The following GCA variants were observed in gnomAD, a reference collection of about 807,000 sequenced individuals.
GCA encodes the protein grancalcin.
Under a neutral mutation model 32.6 loss-of-function variants are expected in GCA, and 30 were observed. The ratio of observed to expected loss-of-function variants is 0.92; its 90% CI spans 0.69 to 1.25. The LOEUF is 1.25. Ranked by LOEUF, GCA falls within the 50% of genes most tolerant of loss-of-function variation. GCA has a pLI of 0.00. For missense variants in GCA, 291 were observed against 266.8 expected (o/e 1.09, Z -0.63); for synonymous variants, 102 against 84.6 (o/e 1.21, Z -1.13).
At chr2:162,350,162 T>C (rs1051964074) in intron 2 of GCA, among the ~76,000 whole-genome samples, 1 of 152,182 alleles carries the variant, frequency 6.6e-6, no homozygotes, top group African/African-American at 2.4e-5. Flanking sequence ...AGGTGCAGTA[T>C]CTTTGGAAAA....
At chr2:162,330,255 C>T (rs1177850007) in intron 1 of GCA, among the ~76,000 whole-genome samples, 1 of 152,176 alleles carries the variant, frequency 6.6e-6, no homozygotes, top group African/African-American at 2.4e-5. Context: ...ACCACACTGT[C>T]TTCCACAATA....
At chr2:162,343,185 T>A (rs1203804107), upstream of GCA, among the ~76,000 whole-genome samples, 1 of 152,258 alleles carries the variant, frequency 6.6e-6, no homozygotes, top group African/African-American at 2.4e-5. Context: ...CCTTCTCTTG[T>A]TCTTCAGAGA....
At chr2:162,323,783 C>T (rs1329276964) in intron 1 of GCA, among the ~76,000 whole-genome samples, 1 of 151,790 alleles carries the variant, frequency 6.6e-6, no homozygotes, top group Non-Finnish European at 1.5e-5. Flanking sequence ...TGTTTTGGTA[C>T]CAGTACCATG....
At chr2:162,352,517 C>T (rs891607665) in intron 3 of GCA, 110 bp downstream of exon 3, 5 of 704,062 alleles carry the variant, frequency 7.1e-6, no homozygotes, top group South Asian at 6.9e-5. Flanking sequence ...TATACATGCA[C>T]ATAGTTTAAG....
chr2:162,360,587 T>C lies in GCA; in HGVS notation c.*344T>C. 3 of 1,147,752 alleles carry C rather than the reference T, an allele frequency of 2.6e-6. No individual in the cohort carries two copies. Among genetic ancestry groups the C allele is most frequent in the Non-Finnish European group, 3.3e-6 (3 of 905,248 alleles). The allele number at this position is 1,147,752 out of a possible 1,614,324, so 71.1% of individuals were successfully genotyped here. The stretch of plus-strand genomic sequence containing the variant: ...ATAGATTGTATAAGAAGCCAAATAA[T>C]GAAAGCCTAGAAAAAACTAATTTAT... On this transcript the variant is annotated 3_prime_UTR_variant, in exon 8 of 8. Coordinates refer to ENST00000437150, the MANE Select transcript of GCA (RefSeq NM_012198.5).
At chr2:162,351,319 A>T (rs1684986688) in intron 2 of GCA, among the ~76,000 whole-genome samples, 1 of 152,196 alleles carries the variant, frequency 6.6e-6, no homozygotes, top group South Asian at 2.1e-4. Context: ...TAACTGAACA[A>T]ATAGGACTTG....
At position 162,361,238 on chromosome 2, in the gene GCA, T is replaced by C; in HGVS notation, c.*995T>C. On this transcript the variant is annotated 3_prime_UTR_variant, in exon 8 of 8. Transcript: ENST00000437150. ...TCTATGTGATGTGGTGTTTTGAGCA[T>C]AGTAGGCACCACAGCAACTTTTCTG... 1 of 984,468 alleles carries C rather than the reference T, an allele frequency of 1.0e-6. No individual in the cohort carries two copies. Among genetic ancestry groups the C allele is most frequent in the Non-Finnish European group, 1.2e-6 (1 of 829,228 alleles). 61.0% of individuals were successfully genotyped at this position (984,468 alleles called of 1,614,324 possible).
downstream of GCA, chr2:162,371,645 T>C (rs1685951043): frequency 3.9e-6 from 3 of 776,006 alleles, no homozygotes; most frequent in Non-Finnish European, 5.8e-6. Context: ...AAAGTTCTTA[T>C]GTATATTTAC....
chr2:162,364,207 GTAT>G (rs1209886543), downstream of GCA, among the ~76,000 whole-genome samples: 1 of 151,390 alleles, frequency 6.6e-6, no homozygotes, highest in Non-Finnish European at 1.5e-5. Flanking sequence ...CTAGTTGACT[GTAT>G]TATTGAATCA....
At chr2:162,343,363 A>G (rs1210564175), upstream of GCA, among the ~76,000 whole-genome samples, 1 of 152,220 alleles carries the variant, frequency 6.6e-6, no homozygotes, top group Non-Finnish European at 1.5e-5. Context: ...ATTTAACAAG[A>G]GTTTGCCCAA....
At chr2:162,359,469 A>T (rs1187298001) in intron 6 of GCA, 25 bp from the exon 7 acceptor site, 2 of 1,225,368 alleles carry the variant, frequency 1.6e-6, no homozygotes, top group Admixed American at 1.9e-5. Context: ...AAATTACAAT[A>T]AAAAAGTAAT....
chr2:162,371,752 G>A, downstream of GCA: 1 of 1,345,434 alleles, frequency 7.4e-7, no homozygotes, highest in Non-Finnish European at 1.0e-6. Flanking sequence ...GAGTCAAGTA[G>A]AGAGGATTTA....
chr2:162,362,435 G>T lies in GCA; in HGVS notation c.*2192G>T. The T allele has an allele frequency of 4.1e-6, 4 of 967,430 alleles. No individual in the cohort carries two copies. In the South Asian group the frequency reaches 1.9e-4, roughly 46 times the overall value. 59.9% of individuals were successfully genotyped at this position (967,430 alleles called of 1,614,324 possible). A position where few individuals can be genotyped will look rare whatever the true frequency, so the allele number is the denominator to read the frequency against. On this transcript the variant is annotated 3_prime_UTR_variant, in exon 8 of 8. Coordinates refer to ENST00000437150, the MANE Select transcript of GCA (RefSeq NM_012198.5). ...CTTTTTCGATGCTTTAAAAATAACT[G>T]ATATTTTTATGATGAACATGACTGT...
intron 5 of GCA, among the ~76,000 whole-genome samples, 180 bp from the exon 6 acceptor site, chr2:162,358,864 C>T (rs946501182): frequency 2.0e-5 from 3 of 151,128 alleles, no homozygotes; most frequent in East Asian, 1.9e-4. Context: ...ATTTATATAC[C>T]GATTAACAGG....
At chr2:162,330,666 C>A (rs1457226068) in intron 1 of GCA, among the ~76,000 whole-genome samples, 1 of 152,174 alleles carries the variant, frequency 6.6e-6, no homozygotes, top group Non-Finnish European at 1.5e-5. Context: ...ATGGTTAGAA[C>A]TTTAGTGTCA....
chr2:162,361,077 C>G lies in GCA; in HGVS notation c.*834C>G, dbSNP rs894345698. 2 of 944,138 alleles carry G rather than the reference C, an allele frequency of 2.1e-6. No individual in the cohort carries two copies. Among genetic ancestry groups the G allele is most frequent in the African/African-American group, 1.8e-5 (1 of 56,948 alleles). The allele number at this position is 944,138 out of a possible 1,614,324, so 58.5% of individuals were successfully genotyped here. A position where few individuals can be genotyped will look rare whatever the true frequency, so the allele number is the denominator to read the frequency against. ...TTAAATTGTTGTTTAAATGTAATGT[C>G]AACTCTTTATAAACTTAAAAATAAA... On this transcript the variant is annotated 3_prime_UTR_variant, in exon 8 of 8. Coordinates refer to ENST00000437150, the MANE Select transcript of GCA (RefSeq NM_012198.5).
chr2:162,345,131 G>GGTGGTAGGTGGTT (rs146219747), intron 1 of GCA, among the ~76,000 whole-genome samples: 5 of 144,140 alleles, frequency 3.5e-5, no homozygotes, highest in African/African-American at 1.3e-4. Flanking sequence ...TGGTGGTGGT[G>GGTGGTAGGTGGTT]GTGGTTGTGG....
chr2:162,356,321 G>C (rs1685265782), intron 3 of GCA, 117 bp from the exon 4 acceptor site: 1 of 685,026 alleles, frequency 1.5e-6, no homozygotes, highest in African/African-American at 1.8e-5. Context: ...GTTGATTGTG[G>C]TGATTTTATA....
downstream of GCA, among the ~76,000 whole-genome samples, chr2:162,372,528 CAAAG>C (rs1685992989): frequency 1.3e-5 from 2 of 151,986 alleles, no homozygotes; most frequent in African/African-American, 4.8e-5. Flanking sequence ...CCACTGAAAA[CAAAG>C]AACAAAATAG....
Sources: allele counts gnomAD v4.1 joint callset (sites outside exome capture counted in the v4.1 genomes callset), GRCh38; gene constraint gnomAD v4.1.1; transcripts MANE v1.5; gene names NCBI Gene and HGNC (gene_info 2026-07-23, HGNC 2026-07-21).